The following SULT2B1 variants were observed in gnomAD, a reference collection of about 807,000 sequenced individuals.
SULT2B1 encodes sulfotransferase 2B1.
SULT2B1 carries 16 observed loss-of-function variants against 33.2 expected under a neutral mutation model. That is an observed-to-expected ratio of 0.48 (90% CI 0.33 to 0.73). The LOEUF (loss-of-function observed/expected upper bound fraction) is 0.73. SULT2B1 is among the 30% of genes least tolerant of loss of function. The pLI is 0.02. For synonymous variants in SULT2B1, 186 were observed against 200.5 expected, an observed-to-expected ratio of 0.93 and a Z score of 0.61; for missense variants, 500 against 506.0, an observed-to-expected ratio of 0.99 and a Z score of 0.11.
chr19:48,552,256 G>C lies in SULT2B1; in HGVS notation c.4G>C (p.Asp2His). 2 of 1,613,776 alleles carry C rather than the reference G, an allele frequency of 1.2e-6. No homozygotes were observed. The highest frequency in any genetic ancestry group is 1.7e-6 in the Non-Finnish European group (2 of 1,179,866). The stretch of plus-strand genomic sequence containing the variant: ...TCCCCACCCTCACCCACCTGCCATG[G>C]ACGGGCCCGCCGAGCCCCAGATCCC... Reference protein sequence around the residue: MDGPAEPQIPGL... With the variant: MHGPAEPQIPGL... Residue 2 changes from aspartate (D) to histidine (H), a missense_variant, in exon 1 of 7, where the codon GAC becomes CAC. Physicochemically the swap from Asp to His is moderately conservative, Grantham distance 81. Coordinates refer to ENST00000201586, the MANE Select transcript of SULT2B1 (RefSeq NM_177973.2). The surrounding 1 kb of genome is among the most constrained non-coding windows in gnomAD (Gnocchi z 4.8).
At chr19:48,579,623 T>TTTTTTTTGA (rs1973459726) in intron 2 of SULT2B1, among the ~76,000 whole-genome samples, 1 of 147,548 alleles carries the variant, frequency 6.8e-6, no homozygotes, top group African/African-American at 2.5e-5. Flanking sequence ...TTTTTTTTTT[T>TTTTTTTTGA]GAGACGAAGT....
At chr19:48,572,195 AT>A (rs1040242643) in intron 1 of SULT2B1, among the ~76,000 whole-genome samples, 5 of 152,110 alleles carry the variant, frequency 3.3e-5, no homozygotes, top group African/African-American at 1.2e-4. Context: ...CAAGGAGGCT[AT>A]TGGTCTAGAA....
Position 48,599,046 on chromosome 19 carries a change from G to A in SULT2B1, c.827-89G>A, listed in dbSNP as rs535972422. 6.7e-6 allele frequency: 10 copies of A among 1,502,542 alleles called. No homozygotes were observed. In the African/African-American group the frequency reaches 1.1e-4, roughly 17 times the overall value. 93.1% of individuals were successfully genotyped at this position (1,502,542 alleles called of 1,614,324 possible). Reference sequence around the variant, plus strand: ...AAAGGGAACACCTCGCCAAAGGCCGGGAAGGGGAAGGAGGTTGCTGGAATG... The same window carrying A: ...AAAGGGAACACCTCGCCAAAGGCCGAGAAGGGGAAGGAGGTTGCTGGAATG... On this transcript the variant is annotated intron_variant, in intron 6 of 6. Coordinates refer to ENST00000201586, the MANE Select transcript of SULT2B1 (RefSeq NM_177973.2). The surrounding 1 kb of genome is among the most constrained non-coding windows in gnomAD (Gnocchi z 4.1).
intron 4 of SULT2B1, among the ~76,000 whole-genome samples, chr19:48,592,490 C>T (rs1432175460): frequency 6.6e-6 from 1 of 152,052 alleles, no homozygotes; most frequent in African/African-American, 2.4e-5. Context: ...TGTGTGGAGG[C>T]GGACTGGATG....
At chr19:48,578,663 G>A (rs2147614285) in intron 2 of SULT2B1, among the ~76,000 whole-genome samples, 1 of 152,086 alleles carries the variant, frequency 6.6e-6, no homozygotes, top group South Asian at 2.1e-4. Context: ...GATCATTTGA[G>A]GTCAGGAGTT....
At position 48,592,810 on chromosome 19, in the gene SULT2B1, G is replaced by T; in HGVS notation, c.639G>T (p.Leu213=). The change falls in exon 5 of 7, where the codon CTG becomes CTT. Residue 213 remains leucine (L), a synonymous_variant. Transcript: ENST00000201586. ...DNFLFITYEE[L]QQDLQGSVER... ...TCCTATTTATCACCTACGAGGAGCT[G>T]CAGCAGGTGAGTCCCCACCTCCTCC... 6.4e-7 allele frequency: 1 copy of T among 1,565,096 alleles called. No homozygotes were observed.
intron 3 of SULT2B1, among the ~76,000 whole-genome samples, chr19:48,588,680 C>T (rs1568412379): frequency 6.6e-6 from 1 of 151,086 alleles, no homozygotes; most frequent in Non-Finnish European, 1.5e-5. Flanking sequence ...GGGGAGAGGG[C>T]TGGAGATAGA....
At chr19:48,554,940 G>A (rs1973078478) in intron 1 of SULT2B1, among the ~76,000 whole-genome samples, 1 of 151,930 alleles carries the variant, frequency 6.6e-6, no homozygotes, top group Non-Finnish European at 1.5e-5. Flanking sequence ...ATCATGCCCT[G>A]GACAGGGAAT....
intron 3 of SULT2B1, among the ~76,000 whole-genome samples, chr19:48,590,061 C>T (rs1353364454): frequency 6.6e-6 from 1 of 152,066 alleles, no homozygotes; most frequent in Non-Finnish European, 1.5e-5. Context: ...CTCACTGCAA[C>T]CTCTGCCCCT....
chr19:48,596,698 C>T (rs3815691), intron 5 of SULT2B1, 41 bp from the exon 6 acceptor site: 212,516 of 1,533,902 alleles, frequency 0.14, 16,061 homozygotes, highest in Admixed American at 0.29. Context: ...CTTCCTTGGC[C>T]GAGTGCCCTC....
intron 1 of SULT2B1, among the ~76,000 whole-genome samples, chr19:48,573,533 G>A (rs887060597): frequency 1.3e-5 from 2 of 152,126 alleles, no homozygotes; most frequent in Non-Finnish European, 1.5e-5. Context: ...GGGGACAGGG[G>A]GGTCCTGGCT....
chr19:48,562,418 G>A (rs1973194583), intron 1 of SULT2B1, among the ~76,000 whole-genome samples: 1 of 151,790 alleles, frequency 6.6e-6, no homozygotes, highest in Admixed American at 6.6e-5. Flanking sequence ...AAGCGTGGTG[G>A]TGTACACCTG....
At chr19:48,574,761 A>G (rs1344948906) in intron 1 of SULT2B1, among the ~76,000 whole-genome samples, 1 of 152,204 alleles carries the variant, frequency 6.6e-6, no homozygotes, top group Admixed American at 6.6e-5. Context: ...AGTAGGACCT[A>G]TGGAAGCCCA....
chr19:48,568,613 C>G (rs758462523), intron 1 of SULT2B1, among the ~76,000 whole-genome samples: 1 of 152,128 alleles, frequency 6.6e-6, no homozygotes, highest in Non-Finnish European at 1.5e-5. Flanking sequence ...GAGAACAGCC[C>G]GGACAGAGGC....
At chr19:48,588,530 A>G (rs1973597841) in intron 3 of SULT2B1, among the ~76,000 whole-genome samples, 1 of 135,958 alleles carries the variant, frequency 7.4e-6, no homozygotes, top group Non-Finnish European at 1.5e-5. Context: ...AAACCCCCAT[A>G]TATTATACTA....
At chr19:48,586,548 G>A (rs769428305) in intron 2 of SULT2B1, among the ~76,000 whole-genome samples, 15 of 152,258 alleles carry the variant, frequency 9.9e-5, no homozygotes, top group Middle Eastern at 6.8e-3. Flanking sequence ...TACTTCCTTG[G>A]CCAGACCCAG....
intron 1 of SULT2B1, among the ~76,000 whole-genome samples, chr19:48,570,330 C>T (rs1463729299): frequency 6.6e-6 from 1 of 151,984 alleles, no homozygotes; most frequent in Non-Finnish European, 1.5e-5. Context: ...CAGGCGTGCA[C>T]CACCATACCC....
chr19:48,575,746 G>T (rs996770478), intron 1 of SULT2B1, 195 bp from the exon 2 acceptor site: 39 of 951,348 alleles, frequency 4.1e-5, no homozygotes, highest in Non-Finnish European at 5.7e-5. Flanking sequence ...CTCCCAAAGT[G>T]CTGGGATTAC....
chr19:48,563,596 G>A (rs1294056205), intron 1 of SULT2B1, among the ~76,000 whole-genome samples: 2 of 152,136 alleles, frequency 1.3e-5, no homozygotes, highest in Non-Finnish European at 2.9e-5. Context: ...TGCAAGACTG[G>A]GCTGATGCAA....
Sources: gnomAD v4.1 joint callset for allele counts (sites outside exome capture counted in the v4.1 genomes callset) on GRCh38, gnomAD v4.1.1 for gene constraint, Gnocchi (gnomAD v3.1) non-coding constraint, MANE v1.5 for transcripts, NCBI Gene and HGNC (gene_info 2026-07-23, HGNC 2026-07-21) for gene names.